The following APOA2 variants were observed in gnomAD, a reference collection of about 807,000 sequenced individuals.
The protein encoded by APOA2 is apolipoprotein A-II.
In APOA2, 3 loss-of-function variants were observed where a neutral mutation model predicts 7.4. That is an observed-to-expected ratio of 0.41 (90% CI 0.18 to 1.05). The LOEUF (loss-of-function observed/expected upper bound fraction) is 1.05, where lower values mean the gene tolerates loss of function less well. Among genes scored for constraint, APOA2 ranks in the 50% least tolerant of loss-of-function variants. APOA2 has a pLI of 0.33. For synonymous variants in APOA2, 42 were observed against 47.8 expected (o/e 0.88, Z 0.50); for missense variants, 90 against 116.3 (o/e 0.77, Z 1.04).
chr1:161,222,480 G>A lies in APOA2; in HGVS notation c.228C>T (p.Ile76=), dbSNP rs1398937616. The change falls in exon 4 of 4, where the codon ATC becomes ATT. Residue 76 remains isoleucine, a synonymous_variant. Transcript: ENST00000367990. The part of the protein sequence containing the change: ...EKSKEQLTPL[I]KKAGTELVNF... ...TAACCAGTTCCGTTCCAGCCTTCTT[G>A]ATCAGGGGTGTCAGCTGCTCCTTTG... 6.2e-7 allele frequency: 1 copy of A among 1,614,200 alleles called. No individual in the cohort carries two copies. Among genetic ancestry groups the A allele is most frequent in the Admixed American group, 1.7e-5 (1 of 60,024 alleles).
At chr1:161,222,568 ACTGGCAGGGG>A (rs773788407) in intron 3 of APOA2, 46 bp from the exon 4 acceptor site, 3 of 1,531,210 alleles carry the variant, frequency 2.0e-6, no homozygotes, top group Non-Finnish European at 1.8e-6. Flanking sequence ...GACCCTAGGC[ACTGGCAGGGG>A]CCTTGGTGGT....
intron 3 of APOA2, 49 bp from the exon 4 acceptor site, chr1:161,222,571 G>A: frequency 2.0e-6 from 3 of 1,518,140 alleles, no homozygotes; most frequent in Middle Eastern, 1.8e-4. Context: ...CCTAGGCACT[G>A]GCAGGGGCCT....
chr1:161,223,522 G>T (rs1257292164), intron 1 of APOA2, 73 bp downstream of exon 1: 2 of 989,532 alleles, frequency 2.0e-6, no homozygotes, highest in African/African-American at 3.2e-5. Context: ...TTCCAACCTG[G>T]CTCTCTCCCT....
At chr1:161,223,483 TC>T in intron 1 of APOA2, 58 bp from the exon 2 acceptor site, 1 of 1,383,290 alleles carries the variant, frequency 7.2e-7, no homozygotes, top group Non-Finnish European at 1.0e-6. Flanking sequence ...CTTCAGCTCC[TC>T]CCCAGGGATC....
intron 3 of APOA2, among the ~76,000 whole-genome samples, 168 bp downstream of exon 3, chr1:161,222,750 T>C (rs1666191649): frequency 6.6e-6 from 1 of 152,204 alleles, no homozygotes; most frequent in Non-Finnish European, 1.5e-5. Context: ...TTCCTCTCTA[T>C]CTAAGAGACG....
rs769719527 is a variant in APOA2, at chr1:161,223,196, A to G, written c.53-146T>C. 1.3e-5 allele frequency: 20 copies of G among 1,558,726 alleles called. No homozygotes were observed. In the African/African-American group the frequency reaches 2.0e-4, roughly 16 times the overall value. ...CCCCTCCCCAAAAAGGTATCCAGCC[A>G]GATCTTTGGATGGGCTTTCTGGGCT... is the stretch of plus-strand genomic sequence containing the variant. On this transcript the variant is annotated intron_variant, in intron 2 of 3. Transcript: ENST00000367990.
Position 161,222,480 on chromosome 1 carries a change from G to C in APOA2, c.228C>G (p.Ile76Met). 6.2e-7 allele frequency: 1 copy of C among 1,614,200 alleles called. No homozygotes were observed. The highest frequency in any genetic ancestry group is 8.5e-7 in the Non-Finnish European group (1 of 1,180,042). ...TAACCAGTTCCGTTCCAGCCTTCTT[G>C]ATCAGGGGTGTCAGCTGCTCCTTTG... ...EKSKEQLTPL[I>M]KKAGTELVNF... Residue 76 changes from isoleucine (I) to methionine (M), a missense_variant, in exon 4 of 4, where the codon ATC (isoleucine) becomes ATG (methionine). Coordinates refer to ENST00000367990, the MANE Select transcript of APOA2 (RefSeq NM_001643.2).
In APOA2 at chr1:161,223,378, C is replaced by G; in HGVS notation, c.24G>C (p.Val8=). MKLLAAT[V]LLLTICSLEG... is the part of the protein sequence containing the mutation. Reference sequence around the variant, plus strand: ...CAAGGCTGCAGATGGTGAGGAGTAGCACAGTTGCTGCGAGCAGCTTCATGT... The same window carrying G: ...CAAGGCTGCAGATGGTGAGGAGTAGGACAGTTGCTGCGAGCAGCTTCATGT... The change falls in exon 2 of 4, where the codon GTG becomes GTC. Residue 8 remains valine, a synonymous_variant. Transcript: ENST00000367990. 6.2e-7 allele frequency: 1 copy of G among 1,613,966 alleles called. No individual in the cohort carries two copies. Among genetic ancestry groups the G allele is most frequent in the Non-Finnish European group, 8.5e-7 (1 of 1,179,954 alleles).
chr1:161,223,547 C>T, intron 1 of APOA2, 48 bp downstream of exon 1: 1 of 778,400 alleles, frequency 1.3e-6, no homozygotes, highest in Non-Finnish European at 2.2e-6. Context: ...ACAACTGAAG[C>T]CCAGGCCTCT....
chr1:161,223,537 A>G (rs1158184872), intron 1 of APOA2, 58 bp downstream of exon 1: 8 of 847,408 alleles, frequency 9.4e-6, no homozygotes, highest in South Asian at 1.4e-5. Flanking sequence ...CTCCCTCTCC[A>G]CAACTGAAGC....
chr1:161,223,546 G>T, intron 1 of APOA2, 49 bp downstream of exon 1: 3 of 782,388 alleles, frequency 3.8e-6, no homozygotes, highest in Non-Finnish European at 6.5e-6. Flanking sequence ...CACAACTGAA[G>T]CCCAGGCCTC....
In APOA2 at chr1:161,222,354, A is replaced by G; in HGVS notation, c.*51T>C. ...AGGGACAGGAGCTCTAGGACTGGCC[A>G]GTGGGTGTTCTAGAGGCCAGCTGGG... On this transcript the variant is annotated 3_prime_UTR_variant, in exon 4 of 4. Coordinates refer to ENST00000367990, the MANE Select transcript of APOA2 (RefSeq NM_001643.2). The G allele has an allele frequency of 7.3e-7, 1 of 1,371,392 alleles. No homozygotes were observed. Among genetic ancestry groups the G allele is most frequent in the Non-Finnish European group, 1.0e-6 (1 of 959,632 alleles). 85.0% of individuals were successfully genotyped at this position (1,371,392 alleles called of 1,614,324 possible).
chr1:161,223,435 G>A lies in APOA2; in HGVS notation c.-24-10C>T. 1 of 1,604,894 alleles carries A rather than the reference G, an allele frequency of 6.2e-7. No homozygotes were observed. Among genetic ancestry groups the A allele is most frequent in the African/African-American group, 1.3e-5 (1 of 74,928 alleles). On this transcript the variant is annotated splice_polypyrimidine_tract_variant and intron_variant, in intron 1 of 3. Coordinates refer to ENST00000367990, the MANE Select transcript of APOA2 (RefSeq NM_001643.2). ...CAGTGGGGAGGGCGGCCTAGGAAGA[G>A]GGTGGTGGGGGTTTGGGGGACACTG...
At position 161,223,065 on chromosome 1, in the gene APOA2, A is replaced by C. The variant is rs1558092091; in HGVS notation, c.53-15T>G. 1 of 592,422 alleles carries C rather than the reference A, an allele frequency of 1.7e-6. No individual in the cohort carries two copies. Among genetic ancestry groups the C allele is most frequent in the Non-Finnish European group, 2.3e-6 (1 of 426,292 alleles). 36.7% of individuals were successfully genotyped at this position (592,422 alleles called of 1,614,324 possible). On this transcript the variant is annotated splice_polypyrimidine_tract_variant and intron_variant, in intron 2 of 3. Transcript: ENST00000367990. ...AACCAAAGCTCCTGCCCACACACAC[A>C]CACACACACACACACACACACACAC...
At chr1:161,223,313 A>G (rs1460498576) in intron 2 of APOA2, 37 bp downstream of exon 2, 2 of 1,612,478 alleles carry the variant, frequency 1.2e-6, no homozygotes, top group Admixed American at 3.3e-5. Flanking sequence ...CCACCAGCAC[A>G]TTCTCCCTTT....
chr1:161,222,847 TGG>T (rs1666192910), intron 3 of APOA2, 69 bp downstream of exon 3: 2 of 1,612,498 alleles, frequency 1.2e-6, no homozygotes, highest in African/African-American at 1.3e-5. Context: ...CAGACTTCTG[TGG>T]GACCTCTCAT....
At position 161,223,018 on chromosome 1, in the gene APOA2, A is replaced by C; in HGVS notation, c.85T>G (p.Cys29Gly). The C allele has an allele frequency of 6.2e-7, 1 of 1,613,638 alleles. No homozygotes were observed. The highest frequency in any genetic ancestry group is 8.5e-7 in the Non-Finnish European group (1 of 1,179,944). ...TACTGAGAAACCAGGCTCTCCACAC[A>C]TGGCTCCTTTGCCTGTCTCCGAACC... is the stretch of plus-strand genomic sequence containing the variant. ...ALVRRQAKEP[C>G]VESLVSQYFQ... The change falls in exon 3 of 4, where the codon TGT (cysteine) becomes GGT (glycine). Residue 29 changes from cysteine to glycine, a missense_variant. By Grantham distance (159) the Cys-to-Gly change is radical. Transcript: ENST00000367990.
At chr1:161,222,655 G>T in intron 3 of APOA2, 133 bp from the exon 4 acceptor site, 1 of 956,104 alleles carries the variant, frequency 1.0e-6, no homozygotes, top group South Asian at 1.4e-5. Flanking sequence ...GCATGGCAAA[G>T]CCCCTAGGTA....
intron 1 of APOA2, 43 bp from the exon 2 acceptor site, chr1:161,223,468 A>G (rs1666209991): frequency 2.0e-6 from 3 of 1,506,052 alleles, no homozygotes; most frequent in African/African-American, 2.7e-5. Flanking sequence ...CTGAAGCCAA[A>G]TGGGCTTCAG....
Sources: allele counts gnomAD v4.1 joint callset (sites outside exome capture counted in the v4.1 genomes callset), GRCh38; gene constraint gnomAD v4.1.1; transcripts MANE v1.5; gene names NCBI Gene and HGNC (gene_info 2026-07-23, HGNC 2026-07-21).